PCDHGA11: variants seen among roughly 807,000 people sequenced by gnomAD.
PCDHGA11 encodes the protein protocadherin gamma-A11.
In PCDHGA11, 39 loss-of-function variants were observed where a neutral mutation model predicts 60.4. The observed-to-expected ratio is 0.65, with a 90% CI of 0.50 to 0.84. The LOEUF (loss-of-function observed/expected upper bound fraction) is 0.84, where lower values mean the gene tolerates loss of function less well. PCDHGA11 is among the 40% of genes least tolerant of loss of function. The pLI is 0.00. For synonymous variants in PCDHGA11, 533 were observed against 510.3 expected (o/e 1.04, Z -0.60); for missense variants, 1,165 against 1,197.7 (o/e 0.97, Z 0.40).
chr5:141,491,616 C>T lies in PCDHGA11; in HGVS notation c.2434-3191C>T. 1 of 1,613,944 alleles carries T rather than the reference C, an allele frequency of 6.2e-7. No homozygotes were observed. Among genetic ancestry groups the T allele is most frequent in the South Asian group, 1.1e-5 (1 of 91,082 alleles). On this transcript the variant is annotated intron_variant, in intron 1 of 3. Coordinates refer to ENST00000398587, the MANE Select transcript of PCDHGA11 (RefSeq NM_018914.3). The surrounding 1 kb of genome is among the most constrained non-coding windows in gnomAD (Gnocchi z 6.9). ...GCAGTGACTTCACTTTTCTAAGACC[C>T]CTCAGCGTTCAGCAGCCCACAGCTC...
chr5:141,478,635 A>T, intron 1 of PCDHGA11: 1 of 1,552,830 alleles, frequency 6.4e-7, no homozygotes, highest in Non-Finnish European at 8.7e-7. Context: ...TTTTTTAGTG[A>T]TGAAGATGTT....
intron 1 of PCDHGA11, among the ~76,000 whole-genome samples, chr5:141,471,706 A>G (rs2099262749): frequency 6.6e-6 from 1 of 152,212 alleles, no homozygotes; most frequent in African/African-American, 2.4e-5. Context: ...CTGGAATAGA[A>G]GTGCCACTTA....
Position 141,491,324 on chromosome 5 carries a change from T to C in PCDHGA11, c.2434-3483T>C, listed in dbSNP as rs762200164. 16 of 1,614,060 alleles carry C rather than the reference T, an allele frequency of 9.9e-6. No homozygotes were observed. The highest frequency in any genetic ancestry group is 8.3e-5 in the Admixed American group (5 of 60,010). On this transcript the variant is annotated intron_variant, in intron 1 of 3. Transcript: ENST00000398587. This position sits in a 1 kb window ranked among gnomAD's most constrained non-coding sequence, Gnocchi z 6.9. ...CGTTCAGACCTTACCCTTTACCTCA[T>C]TGTGGCTCTAGCGACCGTCAGTCTC...
At chr5:141,430,947 G>T (rs1169662602) in intron 1 of PCDHGA11, 1 of 1,610,002 alleles carries the variant, frequency 6.2e-7, no homozygotes, top group Non-Finnish European at 8.5e-7. Flanking sequence ...GCGGAGCGCG[G>T]AGTCCGCATC....
intron 2 of PCDHGA11, among the ~76,000 whole-genome samples, chr5:141,498,277 G>T (rs1216561939): frequency 6.6e-6 from 1 of 151,924 alleles, no homozygotes; most frequent in African/African-American, 2.4e-5. Flanking sequence ...CAGTAAACTT[G>T]GTTCAAGATC....
chr5:141,465,786 T>G (rs1236517595), intron 1 of PCDHGA11, among the ~76,000 whole-genome samples: 1 of 152,136 alleles, frequency 6.6e-6, no homozygotes, highest in Non-Finnish European at 1.5e-5. Flanking sequence ...ACAGTTTTTT[T>G]TTTTTTAAGA....
At position 141,487,736 on chromosome 5, in the gene PCDHGA11, G is replaced by C; in HGVS notation, c.2434-7071G>C. On this transcript the variant is annotated intron_variant, in intron 1 of 3. Transcript: ENST00000398587. The surrounding 1 kb of genome is among the most constrained non-coding windows in gnomAD (Gnocchi z 5.0). Reference sequence around the variant, plus strand: ...TGCCCATAGTGATGTCACCATTTTTGTAAGAGGTAACTATGTGGTAGACGC... The same window carrying C: ...TGCCCATAGTGATGTCACCATTTTTCTAAGAGGTAACTATGTGGTAGACGC... 1 of 1,563,758 alleles carries C rather than the reference G, an allele frequency of 6.4e-7. No homozygotes were observed.
intron 1 of PCDHGA11, among the ~76,000 whole-genome samples, chr5:141,455,749 C>A (rs2098830563): frequency 6.6e-6 from 1 of 152,086 alleles, no homozygotes; most frequent in Non-Finnish European, 1.5e-5. Context: ...AGGTTGCTGG[C>A]CTGGCTCCTA....
rs771408685 is a variant in PCDHGA11, at chr5:141,486,166, G to T, written c.2434-8641G>T. ...GCGATGGGGGTTCTCCAGCCATGGA[G>T]CAACATTGCAGCCTTCGAGTGGATC... is the stretch of plus-strand genomic sequence containing the variant. On this transcript the variant is annotated intron_variant, in intron 1 of 3. Transcript: ENST00000398587. The surrounding 1 kb of genome is among the most constrained non-coding windows in gnomAD (Gnocchi z 5.0). 1.9e-6 allele frequency: 3 copies of T among 1,614,106 alleles called. No homozygotes were observed. Among genetic ancestry groups the T allele is most frequent in the Non-Finnish European group, 2.5e-6 (3 of 1,180,048 alleles).
In PCDHGA11 at chr5:141,422,259, C is replaced by T. The variant is rs751340056; in HGVS notation, c.1032C>T (p.Asn344=). Reference sequence around the variant, plus strand: ...TCACTGTTGTGGATGTGAATGATAACGCTCCAGAAATAACTATCACCTCTT... The same window carrying T: ...TCACTGTTGTGGATGTGAATGATAATGCTCCAGAAATAACTATCACCTCTT... ...MLITVVDVND[N]APEITITSSI... Residue 344 remains asparagine (N), a synonymous_variant, in exon 1 of 4, where the codon AAC becomes AAT. Transcript: ENST00000398587. The T allele has an allele frequency of 1.3e-6, 2 of 1,565,034 alleles. No homozygotes were observed. Among genetic ancestry groups the T allele is most frequent in the Non-Finnish European group, 1.7e-6 (2 of 1,161,734 alleles).
At chr5:141,505,673 G>C (rs1389292278) in intron 3 of PCDHGA11, among the ~76,000 whole-genome samples, 192 bp downstream of exon 3, 1 of 152,178 alleles carries the variant, frequency 6.6e-6, no homozygotes, top group East Asian at 1.9e-4. Context: ...AGGGGTTGGG[G>C]GTCCTGGGAT....
chr5:141,454,990 T>C (rs548911982), intron 1 of PCDHGA11, among the ~76,000 whole-genome samples: 1 of 151,490 alleles, frequency 6.6e-6, no homozygotes, highest in African/African-American at 2.4e-5. Context: ...TAAAAAATAT[T>C]TTTAGTAGAG....
chr5:141,487,340 G>A lies in PCDHGA11; in HGVS notation c.2434-7467G>A, dbSNP rs2099643329. 6.2e-7 allele frequency: 1 copy of A among 1,614,182 alleles called. No individual in the cohort carries two copies. Among genetic ancestry groups the A allele is most frequent in the Admixed American group, 1.7e-5 (1 of 60,024 alleles). The stretch of plus-strand genomic sequence containing the variant: ...GTGTCTTCGTGGGGCAGCCTGTGGA[G>A]TCACATGCTTTCCTGCTGGCACCTG... On this transcript the variant is annotated intron_variant, in intron 1 of 3. Coordinates refer to ENST00000398587, the MANE Select transcript of PCDHGA11 (RefSeq NM_018914.3). This position sits in a 1 kb window ranked among gnomAD's most constrained non-coding sequence, Gnocchi z 5.0.
At position 141,476,359 on chromosome 5, in the gene PCDHGA11, G is replaced by A; in HGVS notation, c.2434-18448G>A. On this transcript the variant is annotated intron_variant, in intron 1 of 3. Coordinates refer to ENST00000398587, the MANE Select transcript of PCDHGA11 (RefSeq NM_018914.3). This position sits in a 1 kb window ranked among gnomAD's most constrained non-coding sequence, Gnocchi z 7.6. ...GCCGAAGATTCTTTGAGGTGAACCG[G>A]GAGACCGGAGAGATGTTTGTGAACG... The A allele has an allele frequency of 6.2e-7, 1 of 1,614,170 alleles. No individual in the cohort carries two copies. The highest frequency in any genetic ancestry group is 8.5e-7 in the Non-Finnish European group (1 of 1,180,020).
At chr5:141,469,790 T>G (rs956670031) in intron 1 of PCDHGA11, among the ~76,000 whole-genome samples, 2 of 152,224 alleles carry the variant, frequency 1.3e-5, no homozygotes, top group African/African-American at 4.8e-5. Context: ...GCGTTATTTG[T>G]AATTGCAAAA....
At position 141,421,955 on chromosome 5, in the gene PCDHGA11, T is replaced by A; in HGVS notation, c.728T>A (p.Phe243Tyr). ...GATGTAAATGATCACATCCCAATGTTTACACAGTCCGTATATCGCGTGAGT... is the reference window on the plus strand; with the variant it reads ...GATGTAAATGATCACATCCCAATGTATACACAGTCCGTATATCGCGTGAGT... ...VLDVNDHIPM[F>Y]TQSVYRVSVP... is the part of the protein sequence containing the mutation. Residue 243 changes from phenylalanine to tyrosine, a missense_variant, in exon 1 of 4, where the codon TTT (phenylalanine) becomes TAT (tyrosine). Physicochemically the swap from Phe to Tyr is conservative, Grantham distance 22. Coordinates refer to ENST00000398587, the MANE Select transcript of PCDHGA11 (RefSeq NM_018914.3). 1 of 1,612,914 alleles carries A rather than the reference T, an allele frequency of 6.2e-7. No homozygotes were observed. The highest frequency in any genetic ancestry group is 1.1e-5 in the South Asian group (1 of 90,964).
At chr5:141,455,075 G>A (rs1050636999) in intron 1 of PCDHGA11, among the ~76,000 whole-genome samples, 2 of 151,830 alleles carry the variant, frequency 1.3e-5, no homozygotes, top group African/African-American at 4.8e-5. Context: ...GCCTCCCAAA[G>A]TGCTGGGATT....
In PCDHGA11 at chr5:141,487,476, A is replaced by G; in HGVS notation, c.2434-7331A>G. Reference sequence around the variant, plus strand: ...ATCAAGTTTGTTGATGTGGGAGGCCACTCTCATGGCTGTACACCCTTGGCT... The same window carrying G: ...ATCAAGTTTGTTGATGTGGGAGGCCGCTCTCATGGCTGTACACCCTTGGCT... On this transcript the variant is annotated intron_variant, in intron 1 of 3. Transcript: ENST00000398587. The surrounding 1 kb of genome is among the most constrained non-coding windows in gnomAD (Gnocchi z 5.0). The G allele has an allele frequency of 6.2e-7, 1 of 1,614,004 alleles. No homozygotes were observed. Among genetic ancestry groups the G allele is most frequent in the Non-Finnish European group, 8.5e-7 (1 of 1,180,002 alleles).
In PCDHGA11 at chr5:141,459,848, C is replaced by T. The variant is rs573481876; in HGVS notation, c.2434-34959C>T. Among the ~76,000 whole-genome samples the T allele has an allele frequency of 1.1e-4, 16 of 152,244 alleles. No homozygotes were observed. In the South Asian group the frequency reaches 2.5e-3, roughly 24 times the overall value. ...TTTCATGTGTTGTCTATTTGTATATCTTCTTGAAGCATTCGTTCATCTTTA... is the reference window on the plus strand; with the variant it reads ...TTTCATGTGTTGTCTATTTGTATATTTTCTTGAAGCATTCGTTCATCTTTA... On this transcript the variant is annotated intron_variant, in intron 1 of 3. Transcript: ENST00000398587.
Sources: allele counts gnomAD v4.1 joint callset (sites outside exome capture counted in the v4.1 genomes callset), GRCh38; gene constraint gnomAD v4.1.1; non-coding constraint Gnocchi (gnomAD v3.1); transcripts MANE v1.5; gene names NCBI Gene and HGNC (gene_info 2026-07-23, HGNC 2026-07-21).